Variants in MYOCD observed in about 807,000 individuals in gnomAD.
The protein encoded by MYOCD is myocardin.
A neutral mutation model predicts 96.1 loss-of-function variants in MYOCD; 32 were observed. The observed-to-expected ratio is 0.33, with a 90% CI of 0.25 to 0.45. MYOCD has a LOEUF of 0.45. MYOCD is among the 20% of genes least tolerant of loss of function. MYOCD has a pLI of 1.00. For missense variants in MYOCD, 1,133 were observed against 1,200.6 expected, an observed-to-expected ratio of 0.94 and a Z score of 0.83; for synonymous variants, 469 against 469.0, an observed-to-expected ratio of 1.00 and a Z score of 0.00.
chr17:12,679,931 GC>G, intron 1 of MYOCD, among the ~76,000 whole-genome samples: 1 of 152,182 alleles, frequency 6.6e-6, no homozygotes, highest in Non-Finnish European at 1.5e-5. Flanking sequence ...GCTTATCTCT[GC>G]AGACTTGAAT....
intron 1 of MYOCD, among the ~76,000 whole-genome samples, chr17:12,684,102 T>TTCTC (rs976174712): frequency 2.0e-5 from 3 of 151,388 alleles, no homozygotes; most frequent in Admixed American, 6.6e-5. Flanking sequence ...CTTTCTCTCA[T>TTCTC]TCTCTCTCTC....
chr17:12,716,944 T>C (rs2031658161), intron 3 of MYOCD, among the ~76,000 whole-genome samples: 1 of 140,800 alleles, frequency 7.1e-6, no homozygotes, highest in African/African-American at 2.8e-5. Context: ...GAGCTTTGAT[T>C]GTGCCACTGC....
At chr17:12,684,372 A>G (rs78883880) in intron 1 of MYOCD, among the ~76,000 whole-genome samples, 4,410 of 152,266 alleles carry the variant, frequency 0.029, 110 homozygotes, top group African/African-American at 0.066. Flanking sequence ...GAGAAAGTGG[A>G]ACGTAGCATC....
chr17:12,742,651 A>G lies in MYOCD; in HGVS notation c.718-1532A>G, dbSNP rs180842680. On this transcript the variant is annotated intron_variant, in intron 7 of 13. Coordinates refer to ENST00000425538, the MANE Select transcript of MYOCD (RefSeq NM_001146312.3). ...AGTGGCGCAATCTCGGCTTACTGCAACCTCCACCTCCTGGGTTCAAGCTAT... is the reference window on the plus strand; with the variant it reads ...AGTGGCGCAATCTCGGCTTACTGCAGCCTCCACCTCCTGGGTTCAAGCTAT... Among the ~76,000 whole-genome samples, 3 of 151,576 alleles carry G rather than the reference A, an allele frequency of 2.0e-5. No individual in the cohort carries two copies. The East Asian group carries it at 5.8e-4, about 29-fold the overall frequency.
Position 12,722,788 on chromosome 17 carries a change from A to ATT in MYOCD, c.254-59_254-58insTT, listed in dbSNP as rs2031879684. The ATT allele has an allele frequency of 1.7e-5, 25 of 1,450,160 alleles. No homozygotes were observed. The South Asian group carries it at 3.1e-4, about 18-fold the overall frequency. The allele number at this position is 1,450,160 out of a possible 1,614,324, so 89.8% of individuals were successfully genotyped here. On this transcript the variant is annotated intron_variant, in intron 4 of 13. Coordinates refer to ENST00000425538, the MANE Select transcript of MYOCD (RefSeq NM_001146312.3). Reference sequence around the variant, plus strand: ...TTGTAACCACAAGCCAAAAAACAAAAAAGAGAGAGACAGAGACATCAAATT... The same window carrying ATT: ...TTGTAACCACAAGCCAAAAAACAAAATTAAGAGAGAGACAGAGACATCAAATT...
chr17:12,714,500 A>G (rs1379197741), intron 2 of MYOCD, among the ~76,000 whole-genome samples: 1 of 151,634 alleles, frequency 6.6e-6, no homozygotes, highest in Non-Finnish European at 1.5e-5. Context: ...GTCCAGACAT[A>G]CAATTCAGGG....
At chr17:12,670,232 C>T (rs929199393) in intron 1 of MYOCD, among the ~76,000 whole-genome samples, 1 of 152,072 alleles carries the variant, frequency 6.6e-6, no homozygotes, top group Non-Finnish European at 1.5e-5. Context: ...GTAGTGGGAC[C>T]CACCCCACTG....
chr17:12,716,395 A>AT (rs942701660), intron 3 of MYOCD, among the ~76,000 whole-genome samples: 14 of 152,326 alleles, frequency 9.2e-5, no homozygotes, highest in African/African-American at 3.1e-4. Context: ...CTGTAGTGAG[A>AT]TAAAAACCCA....
intron 1 of MYOCD, among the ~76,000 whole-genome samples, chr17:12,687,234 T>A (rs999102495): frequency 5.9e-5 from 9 of 152,166 alleles, no homozygotes; most frequent in African/African-American, 9.7e-5. Context: ...TTAAAAAAAA[T>A]TTGAAACCAC....
intron 1 of MYOCD, among the ~76,000 whole-genome samples, chr17:12,692,180 C>T (rs1271970847): frequency 6.6e-6 from 1 of 152,206 alleles, no homozygotes; most frequent in East Asian, 1.9e-4. Flanking sequence ...ATGGCATAAC[C>T]TCTTCTAAGG....
intron 7 of MYOCD, among the ~76,000 whole-genome samples, chr17:12,742,863 C>T (rs945195629): frequency 4.6e-5 from 7 of 152,058 alleles, no homozygotes; most frequent in African/African-American, 1.7e-4. Flanking sequence ...TGAGCCACCG[C>T]GCCCGGCCTG....
chr17:12,734,180 G>A (rs565558021), intron 5 of MYOCD, among the ~76,000 whole-genome samples: 1 of 152,228 alleles, frequency 6.6e-6, no homozygotes, highest in Non-Finnish European at 1.5e-5. Flanking sequence ...CCTGTGTGGA[G>A]AGAGGAGGAG....
At chr17:12,738,427 G>C (rs1221305360) in intron 6 of MYOCD, among the ~76,000 whole-genome samples, 2 of 152,016 alleles carry the variant, frequency 1.3e-5, no homozygotes, top group East Asian at 1.9e-4. Context: ...GGTTTCTTAT[G>C]ACTTTATACA....
intron 3 of MYOCD, 128 bp downstream of exon 3, chr17:12,715,702 T>C: frequency 1.6e-6 from 1 of 625,740 alleles, no homozygotes; most frequent in Non-Finnish European, 2.8e-6. Context: ...CCTGCCCTCA[T>C]ATCATGTGGA....
At chr17:12,698,386 C>G (rs573409594) in intron 1 of MYOCD, among the ~76,000 whole-genome samples, 6 of 152,108 alleles carry the variant, frequency 3.9e-5, no homozygotes, top group South Asian at 2.1e-4. Context: ...AGTGATTTAA[C>G]AGGGCCCTTG....
At chr17:12,695,588 A>G (rs557045951) in intron 1 of MYOCD, among the ~76,000 whole-genome samples, 2 of 152,286 alleles carry the variant, frequency 1.3e-5, no homozygotes, top group South Asian at 2.1e-4. Context: ...GTTTAGCTCA[A>G]TCTTCTAGTT....
rs146494556 is a variant in MYOCD at position 12,722,905 on chromosome 17, C to T, written c.312C>T (p.Leu104=). Residue 104 remains leucine (L), a synonymous_variant, in exon 5 of 14, where the codon CTC becomes CTT. Transcript: ENST00000425538. ...TAQMKLKRAR[L]ADDLNEKIAL... ...AGATGAAGCTGAAAAGAGCCCGACT[C>T]GCCGATGATCTCAATGAAAAAATTG... The T allele has an allele frequency of 1.1e-5, 17 of 1,613,840 alleles. No individual in the cohort carries two copies. The highest frequency in any genetic ancestry group is 9.3e-5 in the African/African-American group (7 of 74,890).
chr17:12,750,043 G>A (rs1467343221), intron 9 of MYOCD, among the ~76,000 whole-genome samples: 3 of 151,906 alleles, frequency 2.0e-5, no homozygotes, highest in Admixed American at 6.6e-5. Context: ...TAGAGACGGG[G>A]TTTCACCGTG....
At chr17:12,761,976 T>G (rs1006614808) in intron 13 of MYOCD, 3 of 152,330 alleles carry the variant, frequency 2.0e-5, no homozygotes, top group Admixed American at 6.5e-5. Context: ...AGCGTGAGGA[T>G]GCAGAAGGGG....
Sources: gnomAD v4.1 joint callset for allele counts (sites outside exome capture counted in the v4.1 genomes callset) on GRCh38, gnomAD v4.1.1 for gene constraint, MANE v1.5 for transcripts, NCBI Gene and HGNC (gene_info 2026-07-23, HGNC 2026-07-21) for gene names.